Variants in PCBP3 observed in about 807,000 individuals in gnomAD.
PCBP3 encodes poly(rC) binding protein 3.
PCBP3 carries 25 observed loss-of-function variants against 52.7 expected under a neutral mutation model. The observed-to-expected ratio is 0.47, with a 90% confidence interval of 0.35 to 0.66. The LOEUF is 0.66. Ranked by LOEUF, PCBP3 falls within the 30% of genes least tolerant of loss-of-function variation. PCBP3 has a pLI of 0.01. For missense variants in PCBP3, 391 were observed against 490.3 expected (o/e 0.80, Z 1.91); for synonymous variants, 162 against 183.0 (o/e 0.89, Z 0.93).
At chr21:45,878,698 A>T (rs920702574) in intron 5 of PCBP3, among the ~76,000 whole-genome samples, 1 of 152,252 alleles carries the variant, frequency 6.6e-6, no homozygotes, top group Non-Finnish European at 1.5e-5. Flanking sequence ...CCGATAAAAT[A>T]AAAATGTCGT....
intron 5 of PCBP3, among the ~76,000 whole-genome samples, chr21:45,877,015 C>T (rs1277973545): frequency 1.3e-5 from 2 of 152,240 alleles, no homozygotes; most frequent in African/African-American, 2.4e-5. Context: ...GCTGTGTGAC[C>T]GCCCTTCTAC....
intron 2 of PCBP3, among the ~76,000 whole-genome samples, chr21:45,678,908 A>G (rs534976983): frequency 6.6e-6 from 1 of 152,126 alleles, no homozygotes; most frequent in African/African-American, 2.4e-5. Context: ...TCGTGAAAGG[A>G]AGAGTCCATT....
intron 4 of PCBP3, among the ~76,000 whole-genome samples, chr21:45,768,504 T>G (rs996926507): frequency 6.6e-6 from 1 of 152,248 alleles, no homozygotes; most frequent in Non-Finnish European, 1.5e-5. Flanking sequence ...GGGAGATGTA[T>G]TCACATTTTC....
intron 4 of PCBP3, among the ~76,000 whole-genome samples, chr21:45,844,293 A>G (rs2093758921): frequency 6.6e-6 from 1 of 151,744 alleles, no homozygotes; most frequent in African/African-American, 2.4e-5. Context: ...TGCTGCATGG[A>G]GCATAGACAC....
chr21:45,709,031 T>G (rs1048876320), intron 2 of PCBP3, among the ~76,000 whole-genome samples: 3 of 152,246 alleles, frequency 2.0e-5, no homozygotes, highest in African/African-American at 7.2e-5. Flanking sequence ...GCAGAACTTT[T>G]GGACAAATGC....
At position 45,800,295 on chromosome 21, in the gene PCBP3, C is replaced by T. The variant is rs1010337731; in HGVS notation, c.-126+44843C>T. ...CAGAGACAGCAGGTCCAGGTCAGGG[C>T]TACCCCTCGCACAGCCCAGCAGGAT... is the stretch of plus-strand genomic sequence containing the variant. On this transcript the variant is annotated intron_variant, in intron 4 of 17. Transcript: ENST00000681687. The surrounding 1 kb of genome is among the most constrained non-coding windows in gnomAD (Gnocchi z 5.3). Among the ~76,000 whole-genome samples, 4 of 152,174 alleles carry T rather than the reference C, an allele frequency of 2.6e-5. No individual in the cohort carries two copies. Among genetic ancestry groups the T allele is most frequent in the African/African-American group, 9.7e-5 (4 of 41,446 alleles).
intron 13 of PCBP3, 93 bp from the exon 14 acceptor site, chr21:45,929,824 T>C (rs2075943297): frequency 1.1e-6 from 1 of 911,696 alleles, no homozygotes; most frequent in Non-Finnish European, 1.8e-6. Context: ...TTTCTATCTA[T>C]CTGTGCAAAG....
rs1005275444 is a variant in PCBP3, at chr21:45,643,748, C to G, written c.-399C>G. The G allele has an allele frequency of 6.7e-6, 1 of 148,434 alleles. No individual in the cohort carries two copies. The highest frequency in any genetic ancestry group is 1.5e-5 in the Non-Finnish European group (1 of 66,680). 9.2% of individuals were successfully genotyped at this position (148,434 alleles called of 1,614,324 possible). ...CCGCCTCAGCCGCCTCAGCCGCGGTCGCCGCCGCTTCGGCTGACTTAGGCT... is the reference window on the plus strand; with the variant it reads ...CCGCCTCAGCCGCCTCAGCCGCGGTGGCCGCCGCTTCGGCTGACTTAGGCT... On this transcript the variant is annotated 5_prime_UTR_variant, in exon 1 of 18. Transcript: ENST00000681687.
At chr21:45,826,829 G>A (rs2093320769) in intron 4 of PCBP3, among the ~76,000 whole-genome samples, 1 of 152,194 alleles carries the variant, frequency 6.6e-6, no homozygotes, top group African/African-American at 2.4e-5. Flanking sequence ...GAGGAGGAAA[G>A]GGGCAGCCTA....
chr21:45,707,197 G>A (rs1422450537), intron 2 of PCBP3, among the ~76,000 whole-genome samples: 4 of 152,100 alleles, frequency 2.6e-5, no homozygotes, highest in African/African-American at 7.2e-5. Flanking sequence ...AAACTTTAGC[G>A]TGCACGAGTC....
At position 45,785,451 on chromosome 21, in the gene PCBP3, G is replaced by A. The variant is rs1194110967; in HGVS notation, c.-126+29999G>A. Among the ~76,000 whole-genome samples, 7 of 142,098 alleles carry A rather than the reference G, an allele frequency of 4.9e-5. No homozygotes were observed. In the East Asian group the frequency reaches 1.3e-3, roughly 26 times the overall value. The allele number at this position is 142,098 out of a possible 152,430, so 93.2% of individuals were successfully genotyped here. A position where few individuals can be genotyped will look rare whatever the true frequency, so the allele number is the denominator to read the frequency against. The stretch of plus-strand genomic sequence containing the variant: ...GCCCCTCTGCCTGGCCAGCCGCCCC[G>A]TCTGGGAGGAGGTGGGGGGGTCAGC... On this transcript the variant is annotated intron_variant, in intron 4 of 17. Coordinates refer to ENST00000681687, the MANE Select transcript of PCBP3 (RefSeq NM_001384156.1).
chr21:45,674,742 T>C (rs1832344571), intron 2 of PCBP3, among the ~76,000 whole-genome samples: 6 of 152,160 alleles, frequency 3.9e-5, no homozygotes, highest in Admixed American at 3.3e-4. Flanking sequence ...GAGGCTGATA[T>C]TGAGAGAAGG....
chr21:45,904,137 T>C lies in PCBP3; in HGVS notation c.339+3024T>C, dbSNP rs2096138244. ...GCCGTAACCTACGCTATTACGTAGG[T>C]TATGTAGGGCTGTGCTGAGTCCTCT... On this transcript the variant is annotated intron_variant, in intron 9 of 17. Transcript: ENST00000681687. The surrounding 1 kb of genome is among the most constrained non-coding windows in gnomAD (Gnocchi z 4.8). Among the ~76,000 whole-genome samples, 1 of 152,060 alleles carries C rather than the reference T, an allele frequency of 6.6e-6. No individual in the cohort carries two copies. The highest frequency in any genetic ancestry group is 2.1e-4 in the South Asian group (1 of 4,812).
At chr21:45,890,630 CTG>C (rs61368658) in intron 5 of PCBP3, among the ~76,000 whole-genome samples, 708 of 53,742 alleles carry the variant, frequency 0.013, no homozygotes, top group African/African-American at 0.035. Context: ...ACCTGGAACT[CTG>C]TGCACTGCTG....
chr21:45,801,850 T>C (rs1398472787), intron 4 of PCBP3, among the ~76,000 whole-genome samples: 1 of 152,162 alleles, frequency 6.6e-6, no homozygotes, highest in Non-Finnish European at 1.5e-5. Context: ...AGAAAAACAG[T>C]ATGTGGAGAT....
At chr21:45,861,535 C>T (rs893090137) in intron 5 of PCBP3, among the ~76,000 whole-genome samples, 49 of 152,296 alleles carry the variant, frequency 3.2e-4, no homozygotes, top group African/African-American at 9.6e-4. Context: ...AACCCCACAC[C>T]GAGAGCTGCT....
chr21:45,846,979 G>A (rs917784744), intron 4 of PCBP3, among the ~76,000 whole-genome samples: 5 of 152,224 alleles, frequency 3.3e-5, no homozygotes, highest in African/African-American at 1.2e-4. Flanking sequence ...ATTTACTCAT[G>A]TGTTGCTAGG....
At chr21:45,648,243 G>A (rs919539386) in intron 1 of PCBP3, among the ~76,000 whole-genome samples, 14 of 152,166 alleles carry the variant, frequency 9.2e-5, no homozygotes, top group African/African-American at 1.7e-4. Flanking sequence ...GTAAGAAACC[G>A]ATAAAAACTG....
chr21:45,932,407 G>T (rs1312942120), intron 15 of PCBP3, among the ~76,000 whole-genome samples: 1 of 150,324 alleles, frequency 6.7e-6, no homozygotes, highest in Non-Finnish European at 1.5e-5. Context: ...CGGCCATGCC[G>T]TCCTGAGATG....
Sources: allele counts gnomAD v4.1 joint callset (sites outside exome capture counted in the v4.1 genomes callset), GRCh38; gene constraint gnomAD v4.1.1; non-coding constraint Gnocchi (gnomAD v3.1); transcripts MANE v1.5; gene names NCBI Gene and HGNC (gene_info 2026-07-23, HGNC 2026-07-21).